RUNDC3B: variants seen among roughly 807,000 people sequenced by gnomAD.
RUNDC3B encodes the protein RUN domain-containing protein 3B.
RUNDC3B carries 33 observed loss-of-function variants against 58.4 expected under a neutral mutation model. The observed-to-expected ratio is 0.56, with a 90% CI of 0.43 to 0.75. The LOEUF is 0.75. Ranked by LOEUF, RUNDC3B falls within the 30% of genes least tolerant of loss-of-function variation. The pLI is 0.00. For synonymous variants in RUNDC3B, 193 were observed against 195.2 expected, an observed-to-expected ratio of 0.99 and a Z score of 0.10; for missense variants, 501 against 535.7, an observed-to-expected ratio of 0.94 and a Z score of 0.64.
intron 7 of RUNDC3B, among the ~76,000 whole-genome samples, chr7:87,771,144 G>A (rs1339260333): frequency 6.6e-6 from 1 of 152,102 alleles, no homozygotes; most frequent in East Asian, 1.9e-4. Flanking sequence ...TAGGCAAAGT[G>A]GAGTATATAA....
intron 2 of RUNDC3B, among the ~76,000 whole-genome samples, chr7:87,690,308 TTTTTA>T (rs1420236445): frequency 2.6e-5 from 4 of 152,206 alleles, no homozygotes; most frequent in African/African-American, 7.2e-5. Flanking sequence ...GTGATCTATA[TTTTTA>T]TTTTATTAAA....
At chr7:87,741,294 T>G (rs1272925917) in intron 5 of RUNDC3B, among the ~76,000 whole-genome samples, 1 of 152,046 alleles carries the variant, frequency 6.6e-6, no homozygotes, top group Non-Finnish European at 1.5e-5. Flanking sequence ...GTGTATTAAT[T>G]TGTACAATGC....
At chr7:87,732,881 G>T (rs1220075581) in intron 4 of RUNDC3B, among the ~76,000 whole-genome samples, 1 of 152,146 alleles carries the variant, frequency 6.6e-6, no homozygotes, top group East Asian at 1.9e-4. Flanking sequence ...TATAATGTGT[G>T]TGTAATTTCT....
chr7:87,631,292 G>T (rs1821192173), intron 1 of RUNDC3B, among the ~76,000 whole-genome samples: 1 of 152,194 alleles, frequency 6.6e-6, no homozygotes, highest in African/African-American at 2.4e-5. Flanking sequence ...TAAGAAAAAT[G>T]AATAAAGCAG....
At chr7:87,743,664 TG>T (rs1213367229) in intron 6 of RUNDC3B, among the ~76,000 whole-genome samples, 2 of 152,132 alleles carry the variant, frequency 1.3e-5, no homozygotes, top group African/African-American at 2.4e-5. Flanking sequence ...TGGGATTGTT[TG>T]GTTTTTTTCA....
intron 10 of RUNDC3B, among the ~76,000 whole-genome samples, chr7:87,818,681 C>T (rs1837215121): frequency 6.6e-6 from 1 of 152,162 alleles, no homozygotes; most frequent in African/African-American, 2.4e-5. Context: ...AGCAGGCTCT[C>T]ATGCTCCTGT....
chr7:87,700,160 C>G (rs1273208386), intron 2 of RUNDC3B, among the ~76,000 whole-genome samples: 1 of 151,936 alleles, frequency 6.6e-6, no homozygotes, highest in Non-Finnish European at 1.5e-5. Flanking sequence ...AGTGTCTAGT[C>G]CCTTTCATTT....
rs373356153 is a variant in RUNDC3B, at chr7:87,751,534, C to T, written c.629+9955C>T. Among the ~76,000 whole-genome samples, 11 of 152,010 alleles carry T rather than the reference C, an allele frequency of 7.2e-5. No homozygotes were observed. In the South Asian group the frequency reaches 1.0e-3, roughly 14 times the overall value. ...TGAGCATGGAATGTTCTTCCATTTG[C>T]TTGTATCCTCTTTTATTTCCTTGAG... On this transcript the variant is annotated intron_variant, in intron 6 of 10. Coordinates refer to ENST00000394654, the MANE Select transcript of RUNDC3B (RefSeq NM_001134405.2).
At chr7:87,747,991 G>A (rs556211803) in intron 6 of RUNDC3B, among the ~76,000 whole-genome samples, 9 of 152,262 alleles carry the variant, frequency 5.9e-5, no homozygotes, top group African/African-American at 2.2e-4. Context: ...CCGAGTTCTG[G>A]CCAGGAGGCT....
chr7:87,792,683 C>A (rs1370274249), intron 8 of RUNDC3B, among the ~76,000 whole-genome samples: 1 of 152,000 alleles, frequency 6.6e-6, no homozygotes, highest in Non-Finnish European at 1.5e-5. Flanking sequence ...CAGAACATAT[C>A]AAAACCTATG....
At chr7:87,687,406 C>T (rs1459045753) in intron 2 of RUNDC3B, among the ~76,000 whole-genome samples, 1 of 152,140 alleles carries the variant, frequency 6.6e-6, no homozygotes, top group Non-Finnish European at 1.5e-5. Context: ...CACCTCCCCT[C>T]CTTTCAACCT....
intron 4 of RUNDC3B, among the ~76,000 whole-genome samples, chr7:87,722,158 C>T (rs1490693507): frequency 6.6e-6 from 1 of 151,808 alleles, no homozygotes; most frequent in Admixed American, 6.6e-5. Context: ...ATGATTATAT[C>T]AAGCTAAGTA....
chr7:87,733,812 G>A (rs1258355513), intron 4 of RUNDC3B, among the ~76,000 whole-genome samples: 1 of 152,152 alleles, frequency 6.6e-6, no homozygotes, highest in African/African-American at 2.4e-5. Context: ...ATGTTCACTG[G>A]CCCACCACTC....
At chr7:87,676,423 A>G (rs539121570) in intron 2 of RUNDC3B, among the ~76,000 whole-genome samples, 128 of 152,280 alleles carry the variant, frequency 8.4e-4, no homozygotes, top group African/African-American at 3.0e-3. Flanking sequence ...CAAAGAGGCC[A>G]GGCGCAGTGG....
chr7:87,734,665 A>C (rs571159659), intron 4 of RUNDC3B, among the ~76,000 whole-genome samples: 1 of 152,230 alleles, frequency 6.6e-6, no homozygotes, highest in African/African-American at 2.4e-5. Context: ...CTTACTTTAG[A>C]GTCACTCTCT....
chr7:87,827,768 A>G (rs1264864384), intron 10 of RUNDC3B, among the ~76,000 whole-genome samples: 1 of 152,202 alleles, frequency 6.6e-6, no homozygotes, highest in Non-Finnish European at 1.5e-5. Flanking sequence ...TTACTAGGGT[A>G]TATCTTATGC....
At chr7:87,740,822 C>G (rs990166091) in intron 5 of RUNDC3B, among the ~76,000 whole-genome samples, 3 of 152,098 alleles carry the variant, frequency 2.0e-5, no homozygotes, top group Non-Finnish European at 4.4e-5. Flanking sequence ...TTTTTGATCC[C>G]TCTATGGATG....
intron 2 of RUNDC3B, among the ~76,000 whole-genome samples, chr7:87,683,406 C>T (rs1827128373): frequency 6.6e-6 from 1 of 152,176 alleles, no homozygotes; most frequent in Non-Finnish European, 1.5e-5. Flanking sequence ...TTTTGACATG[C>T]CTTCCTCAAT....
chr7:87,791,125 A>G (rs1584218530), intron 8 of RUNDC3B, among the ~76,000 whole-genome samples: 1 of 152,288 alleles, frequency 6.6e-6, no homozygotes, highest in East Asian at 1.9e-4. Context: ...GAGCTCCAAT[A>G]TGTCTGGCAG....
Sources: allele counts gnomAD v4.1 joint callset (sites outside exome capture counted in the v4.1 genomes callset), GRCh38; gene constraint gnomAD v4.1.1; transcripts MANE v1.5; gene names NCBI Gene and HGNC (gene_info 2026-07-23, HGNC 2026-07-21).